MAGI2: variants seen among roughly 807,000 people sequenced by gnomAD.
MAGI2 encodes membrane associated guanylate kinase, WW and PDZ domain containing 2.
Under a neutral mutation model 133.3 loss-of-function variants are expected in MAGI2, and 35 were observed. The ratio of observed to expected loss-of-function variants is 0.26; its 90% CI spans 0.20 to 0.35. MAGI2 has a LOEUF of 0.35. MAGI2 is among the 10% of genes least tolerant of loss of function. The pLI is 1.00. For missense variants in MAGI2, 1,636 were observed against 1,863.4 expected (o/e 0.88, Z 2.25); for synonymous variants, 729 against 710.6 (o/e 1.03, Z -0.41).
intron 2 of MAGI2, among the ~76,000 whole-genome samples, chr7:78,959,893 G>A (rs1183236854): frequency 1.3e-5 from 2 of 152,208 alleles, no homozygotes; most frequent in South Asian, 2.1e-4. Context: ...GTGCAATTTC[G>A]ATACCTGCTT....
intron 1 of MAGI2, among the ~76,000 whole-genome samples, chr7:79,386,100 A>C (rs201358118): frequency 9.9e-6 from 1 of 100,558 alleles, no homozygotes; most frequent in Non-Finnish European, 1.9e-5. Context: ...AATATAGAAC[A>C]AAAAAACCCT....
intron 14 of MAGI2, among the ~76,000 whole-genome samples, chr7:78,169,559 T>A (rs1057369200): frequency 1.3e-5 from 2 of 150,228 alleles, no homozygotes; most frequent in African/African-American, 4.9e-5. Context: ...CTCAGGTATG[T>A]GCAAAGTTAT....
At chr7:79,196,123 T>C (rs1828056899) in intron 1 of MAGI2, among the ~76,000 whole-genome samples, 1 of 151,964 alleles carries the variant, frequency 6.6e-6, no homozygotes, top group African/African-American at 2.4e-5. Context: ...TGTGAGGTAA[T>C]GAATATGTTA....
intron 2 of MAGI2, among the ~76,000 whole-genome samples, chr7:78,882,196 C>T (rs769640775): frequency 2.7e-5 from 4 of 148,788 alleles, no homozygotes; most frequent in East Asian, 2.0e-4. Flanking sequence ...CTGCTCCCAC[C>T]GAAATTAAAA....
chr7:79,085,058 A>G (rs1816367877), intron 1 of MAGI2, among the ~76,000 whole-genome samples: 1 of 151,680 alleles, frequency 6.6e-6, no homozygotes, highest in South Asian at 2.1e-4. Context: ...TTCTTCAAAT[A>G]TTTTTTCTGT....
intron 3 of MAGI2, among the ~76,000 whole-genome samples, chr7:78,590,491 T>C (rs757735025): frequency 2.0e-5 from 3 of 152,192 alleles, no homozygotes; most frequent in Non-Finnish European, 4.4e-5. Flanking sequence ...GGAATAGCAA[T>C]GTAGGTGTGC....
intron 5 of MAGI2, among the ~76,000 whole-genome samples, chr7:78,495,175 C>CAT (rs1310662493): frequency 2.0e-5 from 3 of 152,072 alleles, no homozygotes. Flanking sequence ...AGGTTTGTTG[C>CAT]ATAGGTATAC....
intron 1 of MAGI2, among the ~76,000 whole-genome samples, chr7:79,247,883 A>C (rs992978519): frequency 1.3e-5 from 2 of 152,178 alleles, no homozygotes; most frequent in Admixed American, 1.3e-4. Context: ...AAAAATAAAA[A>C]TCAAGAAATT....
intron 10 of MAGI2, among the ~76,000 whole-genome samples, chr7:78,201,636 T>C (rs1829261387): frequency 6.6e-6 from 1 of 152,250 alleles, no homozygotes; most frequent in Non-Finnish European, 1.5e-5. Context: ...AATCAATTAA[T>C]AAGCCTTCAT....
At chr7:78,114,458 G>A (rs376890869) in intron 20 of MAGI2, among the ~76,000 whole-genome samples, 1 of 152,170 alleles carries the variant, frequency 6.6e-6, no homozygotes, top group African/African-American at 2.4e-5. Flanking sequence ...GAACTCAGGG[G>A]CATATTATTT....
intron 2 of MAGI2, among the ~76,000 whole-genome samples, chr7:78,831,408 T>C (rs1177858066): frequency 6.8e-6 from 1 of 147,802 alleles, no homozygotes; most frequent in African/African-American, 2.5e-5. Flanking sequence ...AAAATTATCT[T>C]TTTTTTTTTT....
At position 78,433,921 on chromosome 7, in the gene MAGI2, T is replaced by C. The variant is rs533491056; in HGVS notation, c.1045+55840A>G. Among the ~76,000 whole-genome samples, 5 of 152,224 alleles carry C rather than the reference T, an allele frequency of 3.3e-5. No homozygotes were observed. The East Asian group carries it at 5.8e-4, about 18-fold the overall frequency. ...TACAAATATAATCCTTAGCTAATCA[T>C]TGAATGAATGATTGAATGAAGCATT... is the stretch of plus-strand genomic sequence containing the variant. On this transcript the variant is annotated intron_variant, in intron 6 of 21. Coordinates refer to ENST00000354212, the MANE Select transcript of MAGI2 (RefSeq NM_012301.4).
intron 3 of MAGI2, among the ~76,000 whole-genome samples, chr7:78,578,624 T>C (rs557094337): frequency 2.0e-5 from 3 of 152,102 alleles, no homozygotes; most frequent in African/African-American, 4.8e-5. Context: ...AAATAGAAGA[T>C]ACAAAAAGGA....
chr7:79,184,430 G>A (rs1367285444), intron 1 of MAGI2, among the ~76,000 whole-genome samples: 1 of 149,542 alleles, frequency 6.7e-6, no homozygotes, highest in Non-Finnish European at 1.5e-5. Flanking sequence ...ATAAAAATAA[G>A]AAACAATAAA....
chr7:78,367,852 G>T (rs1793539190), intron 7 of MAGI2, among the ~76,000 whole-genome samples: 1 of 152,200 alleles, frequency 6.6e-6, no homozygotes, highest in South Asian at 2.1e-4. Context: ...AAACATGTAG[G>T]TACTTTAATT....
chr7:78,999,310 T>C (rs1806628616), intron 2 of MAGI2, among the ~76,000 whole-genome samples: 1 of 152,062 alleles, frequency 6.6e-6, no homozygotes, highest in Non-Finnish European at 1.5e-5. Flanking sequence ...TTCCTTTTTT[T>C]TTTTCGGTGC....
At chr7:78,600,605 A>T (rs113258233) in intron 3 of MAGI2, among the ~76,000 whole-genome samples, 4,247 of 152,282 alleles carry the variant, frequency 0.028, 156 homozygotes, top group African/African-American at 0.082. Context: ...TAGAAAAATG[A>T]GGCAACTATT....
At chr7:79,070,846 AC>A (rs1814893820) in intron 1 of MAGI2, among the ~76,000 whole-genome samples, 1 of 152,010 alleles carries the variant, frequency 6.6e-6, no homozygotes, top group Admixed American at 6.6e-5. Flanking sequence ...CAATCGTCTA[AC>A]CTTTTTTCAA....
chr7:78,796,970 G>T lies in MAGI2; in HGVS notation c.419-169731C>A, dbSNP rs201720922. On this transcript the variant is annotated intron_variant, in intron 2 of 21. Transcript: ENST00000354212. ...GAGAGTAGAATGGTTATTATCACAG[G>T]CTAAAAAGGGAAGGTGTGAGTGAAG... 2.0e-5 allele frequency among the ~76,000 whole-genome samples: 3 copies of T among 152,184 alleles called. No homozygotes were observed. The East Asian group carries it at 5.8e-4, about 29-fold the overall frequency.
Sources: gnomAD v4.1 joint callset for allele counts (sites outside exome capture counted in the v4.1 genomes callset) on GRCh38, gnomAD v4.1.1 for gene constraint, MANE v1.5 for transcripts, NCBI Gene and HGNC (gene_info 2026-07-23, HGNC 2026-07-21) for gene names.